Variants in ST18 observed in about 807,000 individuals in gnomAD.
The protein encoded by ST18 is ST18 C2H2C-type zinc finger transcription factor, also known as suppression of tumorigenicity 18 protein.
Under a neutral mutation model 110.0 loss-of-function variants are expected in ST18, and 50 were observed. The observed-to-expected ratio is 0.45, with a 90% CI of 0.36 to 0.58. The LOEUF (loss-of-function observed/expected upper bound fraction) is 0.58, where lower values mean the gene tolerates loss of function less well. ST18 is among the 20% of genes least tolerant of loss of function. The pLI, the probability that ST18 is intolerant of heterozygous loss-of-function variation, is 0.00. For missense variants in ST18, 1,306 were observed against 1,280.1 expected, an observed-to-expected ratio of 1.02 and a Z score of -0.31; for synonymous variants, 461 against 452.4, an observed-to-expected ratio of 1.02 and a Z score of -0.24.
chr8:52,171,176 C>A (rs1418781798), intron 10 of ST18, among the ~76,000 whole-genome samples: 4 of 152,170 alleles, frequency 2.6e-5, no homozygotes, highest in Non-Finnish European at 5.9e-5. Flanking sequence ...GTGCAAGACT[C>A]CGGGGAGAAA....
intron 2 of ST18, among the ~76,000 whole-genome samples, chr8:52,253,248 A>T (rs1451799417): frequency 6.6e-6 from 1 of 152,132 alleles, no homozygotes; most frequent in Admixed American, 6.6e-5. Context: ...CTATAATAAA[A>T]GCTTTATTAA....
chr8:52,181,461 T>C (rs2069534642), intron 8 of ST18, among the ~76,000 whole-genome samples: 1 of 152,172 alleles, frequency 6.6e-6, no homozygotes, highest in African/African-American at 2.4e-5. Context: ...AAAGTGTCAT[T>C]TCTTCTAAGA....
At chr8:52,399,742 A>T (rs1446178193) in intron 2 of ST18, among the ~76,000 whole-genome samples, 2 of 151,948 alleles carry the variant, frequency 1.3e-5, no homozygotes, top group East Asian at 3.9e-4. Flanking sequence ...ATTTTTCAAG[A>T]TTCCTCCTGT....
intron 2 of ST18, among the ~76,000 whole-genome samples, chr8:52,262,439 C>G (rs2094724481): frequency 6.6e-6 from 1 of 152,186 alleles, no homozygotes; most frequent in South Asian, 2.1e-4. Context: ...AATCTGTAAG[C>G]TTTATTCCCT....
intron 2 of ST18, among the ~76,000 whole-genome samples, chr8:52,317,974 A>G (rs1363279363): frequency 6.6e-6 from 1 of 152,218 alleles, no homozygotes; most frequent in Admixed American, 6.5e-5. Context: ...GCACAGGCAA[A>G]GATTTCATAA....
chr8:52,251,051 T>C (rs1318507496), intron 2 of ST18, among the ~76,000 whole-genome samples: 1 of 152,160 alleles, frequency 6.6e-6, no homozygotes, highest in East Asian at 1.9e-4. Context: ...TATGTCAAAA[T>C]GATTAACGTG....
intron 15 of ST18, among the ~76,000 whole-genome samples, chr8:52,154,213 G>A (rs1030157103): frequency 6.6e-5 from 10 of 152,178 alleles, no homozygotes; most frequent in Admixed American, 1.3e-4. Flanking sequence ...CAGAAAAGGC[G>A]GCATCAGGGT....
intron 8 of ST18, among the ~76,000 whole-genome samples, chr8:52,191,253 C>T (rs907563922): frequency 6.6e-6 from 1 of 152,168 alleles, no homozygotes; most frequent in Non-Finnish European, 1.5e-5. Context: ...TGCAGACCCA[C>T]AGGGGACTGG....
At chr8:52,237,782 T>G (rs1429095404) in intron 2 of ST18, among the ~76,000 whole-genome samples, 1 of 152,176 alleles carries the variant, frequency 6.6e-6, no homozygotes, top group Admixed American at 6.5e-5. Context: ...CTTTGCTGAT[T>G]GAAGAAAGGA....
intron 24 of ST18, 55 bp from the exon 25 acceptor site, chr8:52,116,473 AG>A (rs2042588594): frequency 6.4e-7 from 1 of 1,557,522 alleles, no homozygotes; most frequent in South Asian, 1.2e-5. Flanking sequence ...GGAGTGTAAA[AG>A]GTTTCTCCCT....
chr8:52,179,291 T>C (rs1265147138), intron 9 of ST18, among the ~76,000 whole-genome samples: 1 of 152,214 alleles, frequency 6.6e-6, no homozygotes, highest in African/African-American at 2.4e-5. Context: ...GTGAATAACA[T>C]TCAATGGGGA....
At chr8:52,158,265 G>A (rs2060510949) in intron 15 of ST18, among the ~76,000 whole-genome samples, 1 of 152,228 alleles carries the variant, frequency 6.6e-6, no homozygotes, top group Non-Finnish European at 1.5e-5. Flanking sequence ...GGCTTCAGAA[G>A]TGTGGTGTTT....
chr8:52,142,214 T>C (rs1238236285), intron 17 of ST18, among the ~76,000 whole-genome samples: 3 of 152,050 alleles, frequency 2.0e-5, no homozygotes, highest in Non-Finnish European at 4.4e-5. Context: ...ACAACTTTCT[T>C]GATACGTTCA....
At chr8:52,290,351 C>T (rs1481696683) in intron 2 of ST18, among the ~76,000 whole-genome samples, 28 of 152,020 alleles carry the variant, frequency 1.8e-4, no homozygotes, top group Non-Finnish European at 3.4e-4. Flanking sequence ...ATTGTGTTCC[C>T]GCAAAGGGAA....
chr8:52,182,626 G>C (rs577754748), intron 8 of ST18, among the ~76,000 whole-genome samples: 1 of 152,080 alleles, frequency 6.6e-6, no homozygotes, highest in Non-Finnish European at 1.5e-5. Context: ...GGTGGTTGCC[G>C]GGGGATGAGG....
intron 5 of ST18, 200 bp downstream of exon 5, chr8:52,220,541 G>C (rs1256415460): frequency 1.3e-5 from 2 of 151,920 alleles, no homozygotes; most frequent in African/African-American, 2.4e-5. Flanking sequence ...AGAGGACTTT[G>C]CCTATTTAAT....
intron 16 of ST18, among the ~76,000 whole-genome samples, chr8:52,145,281 T>C (rs1363404254): frequency 6.6e-6 from 1 of 152,152 alleles, no homozygotes; most frequent in Non-Finnish European, 1.5e-5. Context: ...TACTAAATAA[T>C]ATAAACATAA....
chr8:52,376,743 T>C (rs569094977), intron 2 of ST18, among the ~76,000 whole-genome samples: 1 of 152,264 alleles, frequency 6.6e-6, no homozygotes, highest in African/African-American at 2.4e-5. Context: ...ACACCTGTTC[T>C]CTAGGGAGGA....
intron 2 of ST18, among the ~76,000 whole-genome samples, chr8:52,242,680 G>A (rs1261571436): frequency 1.3e-5 from 2 of 152,050 alleles, no homozygotes; most frequent in East Asian, 3.9e-4. Flanking sequence ...CCATGGTTTA[G>A]TAGAGGTTTA....
Sources: allele counts gnomAD v4.1 joint callset (sites outside exome capture counted in the v4.1 genomes callset), GRCh38; gene constraint gnomAD v4.1.1; transcripts MANE v1.5; gene names NCBI Gene and HGNC (gene_info 2026-07-23, HGNC 2026-07-21).